ALMS1: variants seen among roughly 807,000 people sequenced by gnomAD.
ALMS1 encodes the protein ALMS1 centrosome and basal body associated protein, also known as centrosome-associated protein ALMS1.
Under a neutral mutation model 352.2 loss-of-function variants are expected in ALMS1, and 271 were observed. The observed-to-expected ratio is 0.77, with a 90% confidence interval of 0.70 to 0.85. The LOEUF is 0.85. Ranked by LOEUF, ALMS1 falls within the 40% of genes least tolerant of loss-of-function variation. ALMS1 has a pLI of 0.00. For synonymous variants in ALMS1, 1,865 were observed against 1,761.2 expected, an observed-to-expected ratio of 1.06 and a Z score of -1.48; for missense variants, 5,445 against 4,870.7, an observed-to-expected ratio of 1.12 and a Z score of -3.51.
At chr2:73,503,548 G>C (rs1190628670) in intron 10 of ALMS1, among the ~76,000 whole-genome samples, 1 of 152,060 alleles carries the variant, frequency 6.6e-6, no homozygotes, top group Admixed American at 6.6e-5. Flanking sequence ...GAATAGTGCC[G>C]CAATAAACAT....
chr2:73,434,659 C>G (rs560723101), intron 7 of ALMS1, among the ~76,000 whole-genome samples: 7 of 152,142 alleles, frequency 4.6e-5, no homozygotes, highest in Non-Finnish European at 1.0e-4. Context: ...GCTGTTTTCT[C>G]CATTTTCAAA....
At chr2:73,410,325 G>A (rs1671051223) in intron 2 of ALMS1, among the ~76,000 whole-genome samples, 1 of 152,084 alleles carries the variant, frequency 6.6e-6, no homozygotes, top group South Asian at 2.1e-4. Flanking sequence ...GGAGGTGGAG[G>A]TTGCAGTGAG....
intron 9 of ALMS1, chr2:73,458,891 T>A (rs1672128623): frequency 6.6e-6 from 1 of 152,226 alleles, no homozygotes; most frequent in South Asian, 2.1e-4. Flanking sequence ...TTGGGGATTG[T>A]TTCTGGAATG....
chr2:73,422,342 A>G (rs145719679), intron 3 of ALMS1, among the ~76,000 whole-genome samples: 1 of 152,214 alleles, frequency 6.6e-6, no homozygotes, highest in East Asian at 1.9e-4. Flanking sequence ...AAGGCATATG[A>G]TATCTTAATA....
intron 9 of ALMS1, among the ~76,000 whole-genome samples, chr2:73,457,602 T>C (rs770577972): frequency 5.9e-5 from 9 of 152,202 alleles, no homozygotes; most frequent in South Asian, 2.1e-4. Context: ...TTCAAGCCTA[T>C]TGGAATGATT....
chr2:73,549,300 G>A (rs905461043), intron 12 of ALMS1, among the ~76,000 whole-genome samples: 1 of 152,058 alleles, frequency 6.6e-6, no homozygotes, highest in Non-Finnish European at 1.5e-5. Context: ...CTTATCATCT[G>A]TCATTTTCCA....
chr2:73,481,177 C>G (rs1217623965), intron 9 of ALMS1, among the ~76,000 whole-genome samples: 1 of 152,164 alleles, frequency 6.6e-6, no homozygotes, highest in Non-Finnish European at 1.5e-5. Flanking sequence ...ATGGTAATGC[C>G]TAGGTTTTCT....
chr2:73,601,201 C>T lies in ALMS1; in HGVS notation c.11879C>T (p.Ser3960Phe). The part of the protein sequence containing the change: ...KNKKNSHEGV[S>F]WFVPVENVES... ...TAAAAACTGTTTCCTGTAGGAGTTTCCTGGTTTGTTCCTGTGGAAAATGTG... is the reference window on the plus strand; with the variant it reads ...TAAAAACTGTTTCCTGTAGGAGTTTTCTGGTTTGTTCCTGTGGAAAATGTG... Residue 3960 changes from serine (S) to phenylalanine (F), a missense_variant, in exon 19 of 23, where the codon TCC (serine) becomes TTC (phenylalanine). Ser to Phe is a radical substitution (Grantham distance 155, BLOSUM62 -2). Coordinates refer to ENST00000613296, the MANE Select transcript of ALMS1 (RefSeq NM_001378454.1). The T allele has an allele frequency of 6.2e-7, 1 of 1,614,122 alleles. No homozygotes were observed. Among genetic ancestry groups the T allele is most frequent in the East Asian group, 2.2e-5 (1 of 44,888 alleles).
intron 3 of ALMS1, 80 bp downstream of exon 3, chr2:73,419,398 C>T (rs1490720643): frequency 7.2e-7 from 1 of 1,394,970 alleles, no homozygotes; most frequent in Non-Finnish European, 1.0e-6. Context: ...GTAACTTTCC[C>T]CTTTTTGAGT....
At chr2:73,455,561 G>A (rs1297024996) in intron 9 of ALMS1, among the ~76,000 whole-genome samples, 2 of 152,126 alleles carry the variant, frequency 1.3e-5, no homozygotes, top group African/African-American at 2.4e-5. Context: ...GTACCGCCCT[G>A]CTCGGCTAAT....
In ALMS1 at chr2:73,573,089, C is replaced by A; in HGVS notation, c.11212C>A (p.Arg3738=). The change falls in exon 16 of 23, where the codon CGG becomes AGG. Residue 3738 remains arginine (R), a synonymous_variant. Transcript: ENST00000613296. ...NYISNTSSDC[R]PSEESELLTD... Reference sequence around the variant, plus strand: ...TATAAGCAACACTTCTTCGGATTGTCGGCCCTCAGAGGAGAGTGAGCTGCT... The same window carrying A: ...TATAAGCAACACTTCTTCGGATTGTAGGCCCTCAGAGGAGAGTGAGCTGCT... The A allele has an allele frequency of 1.2e-6, 2 of 1,613,966 alleles. No homozygotes were observed. The highest frequency in any genetic ancestry group is 2.7e-5 in the African/African-American group (2 of 75,008).
At chr2:73,475,987 C>A (rs1347658690) in intron 9 of ALMS1, among the ~76,000 whole-genome samples, 1 of 151,902 alleles carries the variant, frequency 6.6e-6, no homozygotes, top group Non-Finnish European at 1.5e-5. Context: ...TTTAACCAAT[C>A]TCTATAGCTT....
At chr2:73,423,142 G>A (rs991276481) in intron 4 of ALMS1, among the ~76,000 whole-genome samples, 168 bp downstream of exon 4, 3 of 152,146 alleles carry the variant, frequency 2.0e-5, no homozygotes, top group African/African-American at 7.2e-5. Flanking sequence ...TATTAATTTG[G>A]CAGAGTAACG....
intron 1 of ALMS1, among the ~76,000 whole-genome samples, chr2:73,386,529 G>C (rs1254358597): frequency 6.6e-6 from 1 of 152,182 alleles, no homozygotes; most frequent in African/African-American, 2.4e-5. Flanking sequence ...TGTAGGACCG[G>C]AGCGAGTGGT....
chr2:73,455,604 G>A (rs993897900), intron 9 of ALMS1, among the ~76,000 whole-genome samples: 2 of 152,136 alleles, frequency 1.3e-5, no homozygotes, highest in Admixed American at 6.6e-5. Flanking sequence ...GGGTCTCTAC[G>A]TTGCCCAGGC....
intron 10 of ALMS1, among the ~76,000 whole-genome samples, chr2:73,513,723 G>A (rs1222742253): frequency 6.6e-6 from 1 of 152,088 alleles, no homozygotes; most frequent in Non-Finnish European, 1.5e-5. Flanking sequence ...AACTCCACAT[G>A]TCTGGTGGAC....
intron 11 of ALMS1, among the ~76,000 whole-genome samples, chr2:73,522,858 T>A (rs1673713790): frequency 6.6e-6 from 1 of 152,236 alleles, no homozygotes; most frequent in Non-Finnish European, 1.5e-5. Flanking sequence ...TAGGTGTTAA[T>A]CATACTCCTT....
At position 73,453,860 on chromosome 2, in the gene ALMS1, A is replaced by G; in HGVS notation, c.7333A>G (p.Asn2445Asp). 1 of 1,614,120 alleles carries G rather than the reference A, an allele frequency of 6.2e-7. No homozygotes were observed. The highest frequency in any genetic ancestry group is 8.5e-7 in the Non-Finnish European group (1 of 1,180,004). Residue 2445 changes from asparagine (N) to aspartate (D), a missense_variant, in exon 8 of 23, where the codon AAC (asparagine) becomes GAC (aspartate). Transcript: ENST00000613296. Reference sequence around the variant, plus strand: ...GGAATCAGTTTCTGATGTTCTTCTAAACTTCTTTCCATATGTTTCACCCAA... The same window carrying G: ...GGAATCAGTTTCTGATGTTCTTCTAGACTTCTTTCCATATGTTTCACCCAA... ...SLESVSDVLLNFFPYVSPKTS... is the reference protein window; with the variant it reads ...SLESVSDVLLDFFPYVSPKTS...
intron 9 of ALMS1, among the ~76,000 whole-genome samples, chr2:73,483,889 T>A (rs1334121935): frequency 6.8e-6 from 1 of 146,090 alleles, no homozygotes; most frequent in East Asian, 2.0e-4. Flanking sequence ...GAGACTAGGA[T>A]TGCAACCCCT....
Sources: allele counts gnomAD v4.1 joint callset (sites outside exome capture counted in the v4.1 genomes callset), GRCh38; gene constraint gnomAD v4.1.1; transcripts MANE v1.5; gene names NCBI Gene and HGNC (gene_info 2026-07-23, HGNC 2026-07-21).